The following ABLIM1 variants were observed in gnomAD, a reference collection of about 807,000 sequenced individuals.
ABLIM1 encodes the protein actin binding LIM protein 1.
Under a neutral mutation model 107.0 loss-of-function variants are expected in ABLIM1, and 40 were observed. The observed-to-expected ratio is 0.37, with a 90% CI of 0.29 to 0.49. ABLIM1 has a LOEUF of 0.49. Among genes scored for constraint, ABLIM1 ranks in the 20% least tolerant of loss-of-function variants. ABLIM1 has a pLI of 0.97. For synonymous variants in ABLIM1, 357 were observed against 357.3 expected, an observed-to-expected ratio of 1.00 and a Z score of 0.01; for missense variants, 857 against 1,008.5, an observed-to-expected ratio of 0.85 and a Z score of 2.04.
intron 1 of ABLIM1, among the ~76,000 whole-genome samples, chr10:114,642,816 A>G (rs556718718): frequency 3.9e-4 from 60 of 152,332 alleles, no homozygotes; most frequent in Non-Finnish European, 6.9e-4. Flanking sequence ...TGCTCACAAA[A>G]AGAGAAAAAC....
chr10:114,480,309 G>T (rs2057140200), intron 8 of ABLIM1, among the ~76,000 whole-genome samples: 1 of 151,912 alleles, frequency 6.6e-6, no homozygotes, highest in Non-Finnish European at 1.5e-5. Context: ...GAGAGTTACA[G>T]TAAAAAAAAA....
At chr10:114,634,680 C>A (rs914235297) in intron 1 of ABLIM1, among the ~76,000 whole-genome samples, 7 of 152,050 alleles carry the variant, frequency 4.6e-5, no homozygotes, top group Non-Finnish European at 7.4e-5. Flanking sequence ...GAGAGATTTT[C>A]CCCCCGCCTG....
Position 114,436,137 on chromosome 10 carries a change from T to C in ABLIM1, c.*123A>G, listed in dbSNP as rs749858149. 2.6e-5 allele frequency: 18 copies of C among 694,872 alleles called. No homozygotes were observed. Among genetic ancestry groups the C allele is most frequent in the Non-Finnish European group, 4.2e-5 (17 of 406,938 alleles). 43.0% of individuals were successfully genotyped at this position (694,872 alleles called of 1,614,324 possible). On this transcript the variant is annotated 3_prime_UTR_variant, in exon 23 of 23. Coordinates refer to ENST00000533213, the MANE Select transcript of ABLIM1 (RefSeq NM_002313.7). ...CATGGTGTTTTAACCAGACTTTCTCTTTTTGGTGTTGCTGAGCGACGGTAG... is the reference window on the plus strand; with the variant it reads ...CATGGTGTTTTAACCAGACTTTCTCCTTTTGGTGTTGCTGAGCGACGGTAG...
intron 6 of ABLIM1, among the ~76,000 whole-genome samples, chr10:114,518,421 T>G (rs546657187): frequency 1.8e-4 from 28 of 152,074 alleles, no homozygotes; most frequent in Admixed American, 1.4e-3. Flanking sequence ...TTCAGCTTTG[T>G]GGACTACGCT....
chr10:114,495,811 A>G (rs1367863107), intron 6 of ABLIM1, among the ~76,000 whole-genome samples: 1 of 152,188 alleles, frequency 6.6e-6, no homozygotes, highest in African/African-American at 2.4e-5. Flanking sequence ...GAGATTTTAT[A>G]ACTCCTTTAC....
At chr10:114,618,690 G>C (rs893525951) in intron 1 of ABLIM1, among the ~76,000 whole-genome samples, 21 of 152,202 alleles carry the variant, frequency 1.4e-4, no homozygotes, top group African/African-American at 5.1e-4. Flanking sequence ...TGTCAACAAG[G>C]TGCCTTCCAA....
chr10:114,537,104 C>T (rs1217317603), intron 6 of ABLIM1, among the ~76,000 whole-genome samples: 1 of 152,146 alleles, frequency 6.6e-6, no homozygotes, highest in Non-Finnish European at 1.5e-5. Context: ...TTTGGTCCTT[C>T]AGCAAGTTAT....
intron 6 of ABLIM1, among the ~76,000 whole-genome samples, chr10:114,505,687 A>T (rs2135777660): frequency 6.6e-6 from 1 of 152,344 alleles, no homozygotes; most frequent in South Asian, 2.1e-4. Flanking sequence ...CAAATGGCTG[A>T]TCCCAATTCA....
intron 1 of ABLIM1, among the ~76,000 whole-genome samples, chr10:114,693,087 T>A (rs2081117656): frequency 6.6e-6 from 1 of 152,192 alleles, no homozygotes; most frequent in Non-Finnish European, 1.5e-5. Context: ...AGGCACAGTG[T>A]GGAGGCTAAA....
chr10:114,645,505 A>G (rs1006076389), intron 1 of ABLIM1, among the ~76,000 whole-genome samples: 1 of 152,166 alleles, frequency 6.6e-6, no homozygotes, highest in African/African-American at 2.4e-5. Context: ...AAGAGAATCT[A>G]AGATCCATAT....
chr10:114,488,515 C>T (rs776876348), intron 7 of ABLIM1, among the ~76,000 whole-genome samples: 1 of 152,178 alleles, frequency 6.6e-6, no homozygotes, highest in African/African-American at 2.4e-5. Flanking sequence ...ACATAGTCAC[C>T]TACAGAGAAA....
At chr10:114,641,412 A>G (rs541244381) in intron 1 of ABLIM1, among the ~76,000 whole-genome samples, 24 of 152,328 alleles carry the variant, frequency 1.6e-4, no homozygotes, top group African/African-American at 5.8e-4. Context: ...CACAGCAAAG[A>G]AAACAGACAA....
At chr10:114,481,286 C>T in intron 8 of ABLIM1, among the ~76,000 whole-genome samples, 1 of 151,872 alleles carries the variant, frequency 6.6e-6, no homozygotes. Flanking sequence ...CCCCTGCCCT[C>T]CCCCCATTCA....
At chr10:114,740,399 A>AT (rs959504545) in intron 1 of ABLIM1, among the ~76,000 whole-genome samples, 59 of 147,764 alleles carry the variant, frequency 4.0e-4, no homozygotes, top group South Asian at 2.1e-3. Context: ...CTCTTCGGGA[A>AT]TTTTTTTTTT....
At chr10:114,787,293 G>C in the ABLIM1 span, among the ~76,000 whole-genome samples, 1 of 151,322 alleles carries the variant, frequency 6.6e-6, no homozygotes. Context: ...GAGCCTCTCT[G>C]CCCAGCAGCC....
intron 6 of ABLIM1, among the ~76,000 whole-genome samples, chr10:114,506,622 AT>A (rs950189009): frequency 9.2e-5 from 14 of 152,168 alleles, no homozygotes; most frequent in Admixed American, 3.9e-4. Context: ...GATGATGAGC[AT>A]TTTTTCATAT....
At chr10:114,743,066 T>C (rs2082317655) in intron 1 of ABLIM1, among the ~76,000 whole-genome samples, 2 of 152,250 alleles carry the variant, frequency 1.3e-5, no homozygotes, top group Admixed American at 1.3e-4. Flanking sequence ...CCATTACTAC[T>C]ACTACTAATA....
intron 6 of ABLIM1, among the ~76,000 whole-genome samples, chr10:114,536,277 C>T (rs1448397906): frequency 9.0e-6 from 1 of 111,404 alleles, no homozygotes; most frequent in African/African-American, 3.6e-5. Flanking sequence ...GATGGAGTCT[C>T]ACTCTTGTCG....
chr10:114,747,341 A>G (rs758475772), intron 1 of ABLIM1, among the ~76,000 whole-genome samples: 2 of 152,220 alleles, frequency 1.3e-5, no homozygotes, highest in Non-Finnish European at 2.9e-5. Context: ...AGCTTTCTGC[A>G]TGGGAGAGCC....
Sources: gnomAD v4.1 joint callset for allele counts (sites outside exome capture counted in the v4.1 genomes callset) on GRCh38, gnomAD v4.1.1 for gene constraint, MANE v1.5 for transcripts, NCBI Gene and HGNC (gene_info 2026-07-23, HGNC 2026-07-21) for gene names.